UBE2L5: variants seen among roughly 807,000 people sequenced by gnomAD.
UBE2L5 encodes the protein ubiquitin conjugating enzyme E2 L5.
A neutral mutation model predicts 10.0 loss-of-function variants in UBE2L5; 3 were observed. The ratio of observed to expected loss-of-function variants is 0.30; its 90% CI spans 0.14 to 0.78. UBE2L5 has a LOEUF of 0.78. UBE2L5 is among the 30% of genes least tolerant of loss of function. UBE2L5 has a pLI of 0.65. For missense variants in UBE2L5, 131 were observed against 193.3 expected, an observed-to-expected ratio of 0.68 and a Z score of 1.91; for synonymous variants, 60 against 71.9, an observed-to-expected ratio of 0.83 and a Z score of 0.83.
Position 30,429,675 on chromosome 13 carries a change from A to C in UBE2L5, c.*1220A>C, listed in dbSNP as rs898535002. Among the ~76,000 whole-genome samples, 1 of 152,220 alleles carries C rather than the reference A, an allele frequency of 6.6e-6. No individual in the cohort carries two copies. Among genetic ancestry groups the C allele is most frequent in the African/African-American group, 2.4e-5 (1 of 41,458 alleles). On this transcript the variant is annotated 3_prime_UTR_variant, in exon 4 of 4. Transcript: ENST00000635918. ...TTCACTCTCCTCCTTTTATGAAATAATTTTTAGAAATTGAGCTGTTAAAGG... is the reference window on the plus strand; with the variant it reads ...TTCACTCTCCTCCTTTTATGAAATACTTTTTAGAAATTGAGCTGTTAAAGG...
rs145381306 is a variant in UBE2L5, at chr13:30,429,636, T to C, written c.*1181T>C. Among the ~76,000 whole-genome samples, 172 of 152,354 alleles carry C rather than the reference T, an allele frequency of 1.1e-3. No homozygotes were observed. Among genetic ancestry groups the C allele is most frequent in the African/African-American group, 3.9e-3 (163 of 41,586 alleles). On this transcript the variant is annotated 3_prime_UTR_variant, in exon 4 of 4. Coordinates refer to ENST00000635918, the MANE Select transcript of UBE2L5 (RefSeq NM_001355247.2). ...GATAAGATTTGTCCTGTAGAACATA[T>C]ACATAGAGGATTGTTCACTCTCCTC...
At chr13:30,424,371 C>A (rs1227042518) in intron 1 of UBE2L5, among the ~76,000 whole-genome samples, 1 of 152,178 alleles carries the variant, frequency 6.6e-6, no homozygotes, top group Non-Finnish European at 1.5e-5. Flanking sequence ...AATGTTAAAA[C>A]CTCAAATCTC....
In UBE2L5 at chr13:30,428,173, C is replaced by T; in HGVS notation, c.183C>T (p.Tyr61=). 1.2e-6 allele frequency: 2 copies of T among 1,605,802 alleles called. No individual in the cohort carries two copies. The highest frequency in any genetic ancestry group is 1.3e-5 in the African/African-American group (1 of 74,832). ...TCGAAATCAACTTTCCAGCAGAGTACCCATTCAAACCACCGAGGATCACAT... is the reference window on the plus strand; with the variant it reads ...TCGAAATCAACTTTCCAGCAGAGTATCCATTCAAACCACCGAGGATCACAT... ...FRIEINFPAE[Y]PFKPPRITFK... The change falls in exon 4 of 4, where the codon TAC becomes TAT. Residue 61 remains tyrosine, a synonymous_variant. Transcript: ENST00000635918.
rs1885596263 is a variant in UBE2L5 at position 30,429,489 on chromosome 13, T to A, written c.*1034T>A. Among the ~76,000 whole-genome samples, 1 of 152,164 alleles carries A rather than the reference T, an allele frequency of 6.6e-6. No homozygotes were observed. Among genetic ancestry groups the A allele is most frequent in the African/African-American group, 2.4e-5 (1 of 41,440 alleles). On this transcript the variant is annotated 3_prime_UTR_variant, in exon 4 of 4. Transcript: ENST00000635918. ...GGCTGGGCTGCTCTGAGGTGCTGCA[T>A]CTTTTATAGTGTCTAGGCTCTCATC...
Position 30,428,492 on chromosome 13 carries a change from G to A in UBE2L5, c.*37G>A. The A allele has an allele frequency of 6.2e-7, 1 of 1,604,944 alleles. No homozygotes were observed. Among genetic ancestry groups the A allele is most frequent in the Non-Finnish European group, 8.5e-7 (1 of 1,178,006 alleles). On this transcript the variant is annotated 3_prime_UTR_variant, in exon 4 of 4. Transcript: ENST00000635918. ...ATTGGTTCCAGCAAGTGTGAGCAGA[G>A]ACCCCGTGCAGTACATTCAGACACC...
Position 30,428,170 on chromosome 13 carries a change from G to T in UBE2L5, c.180G>T (p.Glu60Asp). 1 of 1,606,608 alleles carries T rather than the reference G, an allele frequency of 6.2e-7. No homozygotes were observed. Among genetic ancestry groups the T allele is most frequent in the Non-Finnish European group, 8.5e-7 (1 of 1,173,248 alleles). ...GAATCGAAATCAACTTTCCAGCAGA[G>T]TACCCATTCAAACCACCGAGGATCA... The part of the protein sequence containing the change: ...AFRIEINFPA[E>D]YPFKPPRITF... Residue 60 changes from glutamate (E) to aspartate (D), a missense_variant, in exon 4 of 4, where the codon GAG becomes GAT. Physicochemically the swap from Glu to Asp is conservative, Grantham distance 45 (BLOSUM62 2). Transcript: ENST00000635918.
intron 1 of UBE2L5, among the ~76,000 whole-genome samples, chr13:30,424,252 C>G (rs1337886088): frequency 2.0e-5 from 3 of 152,180 alleles, no homozygotes; most frequent in Non-Finnish European, 4.4e-5. Flanking sequence ...TGTGAATTTT[C>G]TAAAAATTAG....
rs1885593760 is a variant in UBE2L5, at chr13:30,429,470, G to GT, written c.*1015_*1016insT. On this transcript the variant is annotated 3_prime_UTR_variant, in exon 4 of 4. Coordinates refer to ENST00000635918, the MANE Select transcript of UBE2L5 (RefSeq NM_001355247.2). ...CTTTGCCACCTCTCATTTTGGCTGG[G>GT]CTGCTCTGAGGTGCTGCATCTTTTA... 6.6e-6 allele frequency among the ~76,000 whole-genome samples: 1 copy of GT among 152,096 alleles called. No individual in the cohort carries two copies. Among genetic ancestry groups the GT allele is most frequent in the Non-Finnish European group, 1.5e-5 (1 of 68,042 alleles).
chr13:30,429,555 C>G lies in UBE2L5; in HGVS notation c.*1100C>G, dbSNP rs528948354. ...ATATTCTCCATCCCCCATCCCCCAC[C>G]GCCTCTCCAGTAAGGACTTTTTGAC... On this transcript the variant is annotated 3_prime_UTR_variant, in exon 4 of 4. Transcript: ENST00000635918. Among the ~76,000 whole-genome samples the G allele has an allele frequency of 1.3e-5, 2 of 152,254 alleles. No individual in the cohort carries two copies. Among genetic ancestry groups the G allele is most frequent in the African/African-American group, 4.8e-5 (2 of 41,540 alleles).
At chr13:30,425,427 C>T (rs1046979149) in intron 2 of UBE2L5, among the ~76,000 whole-genome samples, 8 of 152,154 alleles carry the variant, frequency 5.3e-5, no homozygotes, top group Non-Finnish European at 1.0e-4. Context: ...GGTTCCTGTT[C>T]GCAGGGAGAT....
At chr13:30,426,024 A>T (rs1885533854) in intron 2 of UBE2L5, among the ~76,000 whole-genome samples, 1 of 149,022 alleles carries the variant, frequency 6.7e-6, no homozygotes, top group Admixed American at 6.7e-5. Flanking sequence ...CAAAAAAAGA[A>T]AAAAGGCCAG....
chr13:30,428,311 C>T lies in UBE2L5; in HGVS notation c.321C>T (p.Ser107=). ...PATKTDQVIQ[S]LIALVNDPQP... ...CCAAAACCGACCAAGTAATCCAGTC[C>T]CTCATAGCACTGGTGAATGACCCGC... Residue 107 remains serine, a synonymous_variant, in exon 4 of 4, where the codon TCC becomes TCT. Transcript: ENST00000635918. 6.2e-7 allele frequency: 1 copy of T among 1,608,350 alleles called. No individual in the cohort carries two copies. Among genetic ancestry groups the T allele is most frequent in the Non-Finnish European group, 8.5e-7 (1 of 1,177,160 alleles).
chr13:30,428,287 C>G lies in UBE2L5; in HGVS notation c.297C>G (p.Thr99=). ...VISAENWKPA[T]KTDQVIQSLI... ...GTGCTGAAAACTGGAAGCCAGCAAC[C>G]AAAACCGACCAAGTAATCCAGTCCC... The change falls in exon 4 of 4, where the codon ACC becomes ACG. Residue 99 remains threonine (T), a synonymous_variant. Transcript: ENST00000635918. 6.2e-7 allele frequency: 1 copy of G among 1,608,184 alleles called. No individual in the cohort carries two copies. Among genetic ancestry groups the G allele is most frequent in the Non-Finnish European group, 8.5e-7 (1 of 1,176,974 alleles).
intron 1 of UBE2L5, among the ~76,000 whole-genome samples, chr13:30,424,155 A>G (rs990684400): frequency 1.3e-5 from 2 of 152,126 alleles, no homozygotes; most frequent in Non-Finnish European, 2.9e-5. Flanking sequence ...CAGCAGTGTT[A>G]GGTGTGAGGG....
chr13:30,424,492 A>G (rs566762140), intron 1 of UBE2L5, among the ~76,000 whole-genome samples: 8 of 152,188 alleles, frequency 5.3e-5, no homozygotes, highest in African/African-American at 1.9e-4. Flanking sequence ...CGTTCCCCTA[A>G]GGTGCCGTGA....
intron 2 of UBE2L5, among the ~76,000 whole-genome samples, chr13:30,426,129 G>C (rs572979983): frequency 2.6e-5 from 4 of 151,918 alleles, no homozygotes; most frequent in African/African-American, 4.8e-5. Flanking sequence ...TGGCCAACAC[G>C]GCGAAACCCC....
At chr13:30,424,056 T>G (rs1406068755) in intron 1 of UBE2L5, among the ~76,000 whole-genome samples, 1 of 152,232 alleles carries the variant, frequency 6.6e-6, no homozygotes, top group Middle Eastern at 3.2e-3. Flanking sequence ...TTTGAAATTG[T>G]TAAGTTTCAC....
chr13:30,428,268 A>T lies in UBE2L5; in HGVS notation c.278A>T (p.Glu93Val). The T allele has an allele frequency of 6.2e-7, 1 of 1,607,958 alleles. No individual in the cohort carries two copies. The highest frequency in any genetic ancestry group is 2.2e-5 in the East Asian group (1 of 44,872). ...GTCTGTCTGCCAGTAATTAGTGCTG[A>T]AAACTGGAAGCCAGCAACCAAAACC... ...GQVCLPVISA[E>V]NWKPATKTDQ... is the part of the protein sequence containing the mutation. The change falls in exon 4 of 4, where the codon GAA becomes GTA. Residue 93 changes from glutamate to valine, a missense_variant. Transcript: ENST00000635918.
Position 30,427,728 on chromosome 13 carries a change from C to T in UBE2L5, c.-263C>T, listed in dbSNP as rs555932081. On this transcript the variant is annotated 5_prime_UTR_variant, in exon 4 of 4. Transcript: ENST00000635918. ...CCGAGGCGAGAGGATGGCTTGAACC[C>T]GGGAGGCTGAGGTTGCAATGAGCAG... The T allele has an allele frequency of 1.5e-5, 7 of 452,750 alleles. No homozygotes were observed. Among genetic ancestry groups the T allele is most frequent in the Admixed American group, 7.9e-5 (2 of 25,372 alleles). The allele number at this position is 452,750 out of a possible 1,614,324, so 28.0% of individuals were successfully genotyped here. A position where few individuals can be genotyped will look rare whatever the true frequency, so the allele number is the denominator to read the frequency against.
Sources: gnomAD v4.1 joint callset for allele counts (sites outside exome capture counted in the v4.1 genomes callset) on GRCh38, gnomAD v4.1.1 for gene constraint, MANE v1.5 for transcripts, NCBI Gene and HGNC (gene_info 2026-07-23, HGNC 2026-07-21) for gene names.